The following COG5 variants were observed in gnomAD, a reference collection of about 807,000 sequenced individuals.
COG5 encodes conserved oligomeric Golgi complex subunit 5.
In COG5, 86 loss-of-function variants were observed where a neutral mutation model predicts 110.4. The observed-to-expected ratio is 0.78, with a 90% CI of 0.65 to 0.93. The LOEUF (loss-of-function observed/expected upper bound fraction) is 0.93, where lower values mean the gene tolerates loss of function less well. Among genes scored for constraint, COG5 ranks in the 40% least tolerant of loss-of-function variants. The probability of loss-of-function intolerance (pLI) is 0.00; values close to 1 mark genes in which losing one functional copy is unlikely to be tolerated. For synonymous variants in COG5, 360 were observed against 334.6 expected, an observed-to-expected ratio of 1.08 and a Z score of -0.83; for missense variants, 1,077 against 987.0, an observed-to-expected ratio of 1.09 and a Z score of -1.22.
At chr7:107,297,031 T>G (rs536652946) in intron 12 of COG5, among the ~76,000 whole-genome samples, 12 of 152,222 alleles carry the variant, frequency 7.9e-5, no homozygotes, top group Non-Finnish European at 1.6e-4. Context: ...CTAAACTTGC[T>G]GAGATGGTAT....
At chr7:107,213,195 G>C (rs1799295065) in intron 19 of COG5, among the ~76,000 whole-genome samples, 1 of 152,178 alleles carries the variant, frequency 6.6e-6, no homozygotes, top group Non-Finnish European at 1.5e-5. Flanking sequence ...AGCTGAACAA[G>C]AAGTTCAACC....
chr7:107,506,555 T>C (rs1362942494), intron 6 of COG5, among the ~76,000 whole-genome samples: 1 of 152,116 alleles, frequency 6.6e-6, no homozygotes, highest in East Asian at 1.9e-4. Flanking sequence ...GAATTGTATG[T>C]AGGGAGTGGG....
chr7:107,543,395 C>A lies in COG5; in HGVS notation c.417+4716G>T, dbSNP rs528956947. Among the ~76,000 whole-genome samples the A allele has an allele frequency of 2.0e-5, 3 of 152,290 alleles. No homozygotes were observed. The South Asian group carries it at 6.2e-4, about 32-fold the overall frequency. On this transcript the variant is annotated intron_variant, in intron 5 of 21. Coordinates refer to ENST00000297135, the MANE Select transcript of COG5 (RefSeq NM_006348.5). ...TGCCTCAGCCCCAACACTAGGCCTGCCCCATTAAAATTGTGTTGGGCAGGC... is the reference window on the plus strand; with the variant it reads ...TGCCTCAGCCCCAACACTAGGCCTGACCCATTAAAATTGTGTTGGGCAGGC...
At chr7:107,529,190 C>T (rs984495187) in intron 5 of COG5, among the ~76,000 whole-genome samples, 5 of 152,142 alleles carry the variant, frequency 3.3e-5, no homozygotes, top group African/African-American at 1.2e-4. Flanking sequence ...AAGTCACCCT[C>T]GTATCTCTGT....
chr7:107,528,094 CTTT>C (rs79007439), intron 5 of COG5, among the ~76,000 whole-genome samples: 1 of 144,218 alleles, frequency 6.9e-6, no homozygotes, highest in Non-Finnish European at 1.5e-5. Flanking sequence ...TTTTCCTAAT[CTTT>C]TTTTTTTTTT....
intron 6 of COG5, among the ~76,000 whole-genome samples, chr7:107,511,794 C>A (rs1799535839): frequency 6.6e-6 from 1 of 152,140 alleles, no homozygotes; most frequent in South Asian, 2.1e-4. Flanking sequence ...AAGACAAAAA[C>A]CACACGATTA....
intron 7 of COG5, among the ~76,000 whole-genome samples, chr7:107,401,526 T>C (rs1405949941): frequency 1.3e-5 from 2 of 152,130 alleles, no homozygotes; most frequent in East Asian, 3.8e-4. Flanking sequence ...GACAAATATA[T>C]GGTGAAACAA....
chr7:107,277,090 G>A (rs1228422350), intron 14 of COG5, among the ~76,000 whole-genome samples: 1 of 152,086 alleles, frequency 6.6e-6, no homozygotes, highest in Admixed American at 6.6e-5. Flanking sequence ...TAAGAGCACA[G>A]AAGTAAAATA....
intron 6 of COG5, among the ~76,000 whole-genome samples, chr7:107,489,920 C>T (rs917844852): frequency 6.6e-6 from 1 of 152,084 alleles, no homozygotes; most frequent in African/African-American, 2.4e-5. Flanking sequence ...ATCTACCTCA[C>T]AGAGTTGGGA....
intron 6 of COG5, among the ~76,000 whole-genome samples, chr7:107,453,553 T>C (rs1795479718): frequency 6.6e-6 from 1 of 152,168 alleles, no homozygotes; most frequent in South Asian, 2.1e-4. Context: ...AAAATCTAAA[T>C]GCAAAATCAC....
intron 5 of COG5, among the ~76,000 whole-genome samples, chr7:107,547,586 G>A (rs2712214): frequency 0.28 from 42,121 of 152,032 alleles, 5,882 homozygotes; most frequent in East Asian, 0.33. Context: ...AATTATCCCT[G>A]TCTGCAGACA....
chr7:107,324,638 C>T (rs1809609716), intron 10 of COG5, 117 bp from the exon 11 acceptor site: 2 of 598,204 alleles, frequency 3.3e-6, no homozygotes, highest in South Asian at 2.3e-5. Context: ...AAATTTTAGA[C>T]ATCTAACCAT....
At chr7:107,524,000 T>C (rs1428980139) in intron 6 of COG5, among the ~76,000 whole-genome samples, 10 of 152,202 alleles carry the variant, frequency 6.6e-5, no homozygotes, top group Non-Finnish European at 7.3e-5. Flanking sequence ...CATAGCAGCT[T>C]AATTTATAAT....
In COG5 at chr7:107,474,789, C is replaced by G. The variant is rs921573129; in HGVS notation, c.538+52448G>C. The G allele has an allele frequency of 6.2e-7, 1 of 1,611,744 alleles. No individual in the cohort carries two copies. The highest frequency in any genetic ancestry group is 1.3e-5 in the African/African-American group (1 of 74,772). Reference sequence around the variant, plus strand: ...TTCAGGCTCTTAATATTCGAATAGGCACAAGATTTTCAACAGGGCAGAAGA... The same window carrying G: ...TTCAGGCTCTTAATATTCGAATAGGGACAAGATTTTCAACAGGGCAGAAGA... On this transcript the variant is annotated intron_variant, in intron 6 of 21. Transcript: ENST00000297135. This position sits in a 1 kb window ranked among gnomAD's most constrained non-coding sequence, Gnocchi z 5.7.
chr7:107,464,721 T>C (rs1156466061), intron 6 of COG5, among the ~76,000 whole-genome samples: 1 of 152,114 alleles, frequency 6.6e-6, no homozygotes, highest in Non-Finnish European at 1.5e-5. Flanking sequence ...GTAAGATGCC[T>C]GGGTCCGAAC....
intron 21 of COG5, chr7:107,207,955 C>T (rs891381951): frequency 2.0e-6 from 2 of 985,236 alleles, no homozygotes; most frequent in African/African-American, 1.7e-5. Context: ...AATGAGTATA[C>T]AACAAGGTTT....
At position 107,264,528 on chromosome 7, in the gene COG5, C is replaced by CA. The variant is rs1803639995; in HGVS notation, c.1576-6146dup. Among the ~76,000 whole-genome samples, 4 of 152,022 alleles carry CA rather than the reference C, an allele frequency of 2.6e-5. 1 individual carries two copies. The Middle Eastern group carries it at 0.014, about 517-fold the overall frequency. ...GTAACATGGCAAAACCCCATCTCTA[C>CA]AAAAAATACAAAAATTAGCCAGGTG... is the stretch of plus-strand genomic sequence containing the variant. On this transcript the variant is annotated intron_variant, in intron 14 of 21. Transcript: ENST00000297135.
rs528108760 is a variant in COG5 at position 107,487,781 on chromosome 7, T to C, written c.538+39456A>G. On this transcript the variant is annotated intron_variant, in intron 6 of 21. Transcript: ENST00000297135. Reference sequence around the variant, plus strand: ...ATAGATTATTACATAAAGTATTGGATAGTTTTTAAATATTATCCAGCCACT... The same window carrying C: ...ATAGATTATTACATAAAGTATTGGACAGTTTTTAAATATTATCCAGCCACT... 2.0e-5 allele frequency among the ~76,000 whole-genome samples: 3 copies of C among 152,166 alleles called. No homozygotes were observed. The South Asian group carries it at 6.2e-4, about 32-fold the overall frequency.
rs112335317 is a variant in COG5, at chr7:107,542,008, T to C, written c.417+6103A>G. Among the ~76,000 whole-genome samples the C allele has an allele frequency of 5.1e-3, 772 of 151,760 alleles. 5 individuals carry two copies. The highest frequency in any genetic ancestry group is 0.018 in the African/African-American group (729 of 41,442). On this transcript the variant is annotated intron_variant, in intron 5 of 21. Coordinates refer to ENST00000297135, the MANE Select transcript of COG5 (RefSeq NM_006348.5). ...AGATTACATACTTAATTAAAAAGAT[T>C]AGTAAATTTACAAGCAATTTCAGGT... is the stretch of plus-strand genomic sequence containing the variant.
Sources: allele counts gnomAD v4.1 joint callset (sites outside exome capture counted in the v4.1 genomes callset), GRCh38; gene constraint gnomAD v4.1.1; non-coding constraint Gnocchi (gnomAD v3.1); transcripts MANE v1.5; gene names NCBI Gene and HGNC (gene_info 2026-07-23, HGNC 2026-07-21).